The following GRAMD4 variants were observed in gnomAD, a reference collection of about 807,000 sequenced individuals.
The protein encoded by GRAMD4 is GRAM domain-containing protein 4.
A neutral mutation model predicts 83.9 loss-of-function variants in GRAMD4; 25 were observed. The ratio of observed to expected loss-of-function variants is 0.30; its 90% confidence interval spans 0.22 to 0.42. The LOEUF (loss-of-function observed/expected upper bound fraction) is 0.42, where lower values mean the gene tolerates loss of function less well. Among genes scored for constraint, GRAMD4 ranks in the 10% least tolerant of loss-of-function variants. GRAMD4 has a pLI of 1.00. For missense variants in GRAMD4, 593 were observed against 788.7 expected (o/e 0.75, Z 2.97); for synonymous variants, 336 against 320.9 (o/e 1.05, Z -0.50).
At position 46,679,465 on chromosome 22, in the gene GRAMD4, G is replaced by C. The variant is rs951402340; in HGVS notation, c.*2214G>C. 4 of 985,422 alleles carry C rather than the reference G, an allele frequency of 4.1e-6. No homozygotes were observed. In the African/African-American group the frequency reaches 7.0e-5, roughly 17 times the overall value. 61.0% of individuals were successfully genotyped at this position (985,422 alleles called of 1,614,324 possible). A position where few individuals can be genotyped will look rare whatever the true frequency, so the allele number is the denominator to read the frequency against. ...GTCCTCGGGAGCGGAGCGCGGATCG[G>C]CACGGGCTCTGGGCTCCCCGTGGAG... On this transcript the variant is annotated 3_prime_UTR_variant, in exon 19 of 19. Transcript: ENST00000406902.
chr22:46,674,556 C>T (rs960228856), intron 15 of GRAMD4, 101 bp from the exon 16 acceptor site: 120 of 851,632 alleles, frequency 1.4e-4, no homozygotes, highest in Non-Finnish European at 2.0e-4. Context: ...GCGCGGTGGG[C>T]GGATGTCAGG....
At chr22:46,669,079 G>A (rs546550793) in intron 13 of GRAMD4, among the ~76,000 whole-genome samples, 171 bp downstream of exon 13, 9 of 152,146 alleles carry the variant, frequency 5.9e-5, no homozygotes, top group Admixed American at 5.2e-4. Context: ...ATCCGAGATC[G>A]AGGGACACGG....
At chr22:46,680,153 A>G (rs563183489), downstream of GRAMD4, among the ~76,000 whole-genome samples, 68 of 152,306 alleles carry the variant, frequency 4.5e-4, 1 homozygote, top group African/African-American at 1.6e-3. Flanking sequence ...GTCAGGGGGC[A>G]TGCAGGCTTT....
At chr22:46,635,172 C>T (rs368971541) in intron 2 of GRAMD4, among the ~76,000 whole-genome samples, 123 of 108,956 alleles carry the variant, frequency 1.1e-3, no homozygotes, top group East Asian at 4.1e-3. Flanking sequence ...CACTCCTGTC[C>T]TGGGGAACCG....
intron 1 of GRAMD4, among the ~76,000 whole-genome samples, chr22:46,577,806 C>T (rs926617146): frequency 6.6e-6 from 1 of 152,230 alleles, no homozygotes; most frequent in Non-Finnish European, 1.5e-5. Flanking sequence ...TCTTCTCTCC[C>T]TTTGTTCGGG....
chr22:46,607,227 G>A (rs1208025807), intron 1 of GRAMD4, among the ~76,000 whole-genome samples: 2 of 151,948 alleles, frequency 1.3e-5, no homozygotes, highest in Non-Finnish European at 2.9e-5. Flanking sequence ...TACAGCATTA[G>A]GAGAAATACC....
At chr22:46,670,128 G>A (rs1369413555) in intron 13 of GRAMD4, among the ~76,000 whole-genome samples, 2 of 152,222 alleles carry the variant, frequency 1.3e-5, no homozygotes, top group African/African-American at 2.4e-5. Flanking sequence ...CGGCCCCTCA[G>A]CAGTCTAGGC....
rs962756995 is a variant in GRAMD4 at position 46,668,555 on chromosome 22, A to G, written c.931-134A>G. On this transcript the variant is annotated intron_variant, in intron 11 of 18. Transcript: ENST00000406902. ...ACCAGAGCTGGGCCTTCCCCGGCCT[A>G]GGAGCAGCCGGGCAGGACCACAGGG... The G allele has an allele frequency of 9.5e-6, 8 of 844,238 alleles. No individual in the cohort carries two copies. In the African/African-American group the frequency reaches 9.9e-5, roughly 10 times the overall value. 52.3% of individuals were successfully genotyped at this position (844,238 alleles called of 1,614,324 possible). A position where few individuals can be genotyped will look rare whatever the true frequency, so the allele number is the denominator to read the frequency against.
In GRAMD4 at chr22:46,646,473, C is replaced by T. The variant is rs116518341; in HGVS notation, c.283+8513C>T. Among the ~76,000 whole-genome samples the T allele has an allele frequency of 2.9e-3, 441 of 152,240 alleles. 2 individuals carry two copies. Among genetic ancestry groups the T allele is most frequent in the African/African-American group, 0.01 (418 of 41,522 alleles). ...CAGTTTTAATGGAGGGGTCCTGGAG[C>T]GGAAGGGAAGTTTCTAGGTGGCTGT... On this transcript the variant is annotated intron_variant, in intron 3 of 18. Transcript: ENST00000406902.
Position 46,649,994 on chromosome 22 carries a change from A to G in GRAMD4, c.284-8193A>G, listed in dbSNP as rs147186094. Among the ~76,000 whole-genome samples, 16 of 152,046 alleles carry G rather than the reference A, an allele frequency of 1.1e-4. No homozygotes were observed. The East Asian group carries it at 3.1e-3, about 30-fold the overall frequency. On this transcript the variant is annotated intron_variant, in intron 3 of 18. Transcript: ENST00000406902. ...CCTGTGGTGATGGCAGGAGGGCTGA[A>G]TTGGGCTGGGAGAGTTCAGGTGAGA...
chr22:46,666,063 G>C (rs532419237), intron 9 of GRAMD4, among the ~76,000 whole-genome samples: 2 of 152,254 alleles, frequency 1.3e-5, no homozygotes, highest in African/African-American at 4.8e-5. Flanking sequence ...CTGGCTGCCT[G>C]TTGGAGATGA....
chr22:46,629,075 C>T (rs2081724259), intron 2 of GRAMD4, among the ~76,000 whole-genome samples: 2 of 152,076 alleles, frequency 1.3e-5, no homozygotes, highest in East Asian at 1.9e-4. Context: ...CCCCCTTCCT[C>T]GAGGCTGTGA....
intron 1 of GRAMD4, among the ~76,000 whole-genome samples, chr22:46,579,314 C>A (rs766389687): frequency 6.6e-6 from 1 of 152,330 alleles, no homozygotes; most frequent in East Asian, 1.9e-4. Context: ...TCTTTGCTCT[C>A]CGCTCTCCCA....
In GRAMD4 at chr22:46,622,869, G is replaced by A. The variant is rs535465763; in HGVS notation, c.-50+2304G>A. On this transcript the variant is annotated intron_variant, in intron 1 of 18. Coordinates refer to ENST00000406902, the MANE Select transcript of GRAMD4 (RefSeq NM_015124.5). The surrounding 1 kb of genome is among the most constrained non-coding windows in gnomAD (Gnocchi z 4.0). The stretch of plus-strand genomic sequence containing the variant: ...GGATCTTGCAGTGAGCCGAGATCAC[G>A]CCACTGCACTCCAGCCTGGGCGACA... 5.9e-4 allele frequency among the ~76,000 whole-genome samples: 87 copies of A among 146,252 alleles called. 1 individual carries two copies. The East Asian group carries it at 0.013, about 22-fold the overall frequency.
chr22:46,621,460 G>A lies in GRAMD4; in HGVS notation c.-50+895G>A, dbSNP rs368967749. Among the ~76,000 whole-genome samples, 1 of 152,108 alleles carries A rather than the reference G, an allele frequency of 6.6e-6. No homozygotes were observed. Among genetic ancestry groups the A allele is most frequent in the Non-Finnish European group, 1.5e-5 (1 of 68,002 alleles). On this transcript the variant is annotated intron_variant, in intron 1 of 18. Coordinates refer to ENST00000406902, the MANE Select transcript of GRAMD4 (RefSeq NM_015124.5). The surrounding 1 kb of genome is among the most constrained non-coding windows in gnomAD (Gnocchi z 5.8). ...TGGCCGTGGAGGGCACCCCTACCCC[G>A]GTGCAGGCGCAGGCTGGAGGCGTAG... is the stretch of plus-strand genomic sequence containing the variant.
In GRAMD4 at chr22:46,584,422, G is replaced by A. The variant is rs536570981; in HGVS notation, c.-50+7132G>A. 5.3e-5 allele frequency among the ~76,000 whole-genome samples: 8 copies of A among 152,174 alleles called. No individual in the cohort carries two copies. The South Asian group carries it at 8.3e-4, about 16-fold the overall frequency. On this transcript the variant is annotated intron_variant, in intron 1 of 1. Coordinates refer to the GRAMD4 transcript ENST00000431155. ...CTCCTGTACCTGTATTGAGCAAAGT[G>A]TGAGTTCGCGCCGCTGATGAACTCT...
chr22:46,607,523 A>G (rs1446239137), intron 1 of GRAMD4, among the ~76,000 whole-genome samples: 1 of 152,092 alleles, frequency 6.6e-6, no homozygotes. Context: ...AAGTGTGGCT[A>G]TGGCCACCAT....
intron 3 of GRAMD4, among the ~76,000 whole-genome samples, chr22:46,655,799 AC>A (rs1303282307): frequency 6.6e-6 from 1 of 151,940 alleles, no homozygotes; most frequent in Non-Finnish European, 1.5e-5. Context: ...CTCCCTTCTG[AC>A]CCCGCCTTTG....
In GRAMD4 at chr22:46,672,664, C is replaced by T. The variant is rs951726230; in HGVS notation, c.1085-179C>T. ...GAGACTGTGCAGCACGAATGGGCCC[C>T]AGGGGAGCGAGGCTGGGGGTATCCA... On this transcript the variant is annotated intron_variant, in intron 13 of 18. Coordinates refer to ENST00000406902, the MANE Select transcript of GRAMD4 (RefSeq NM_015124.5). The surrounding 1 kb of genome is among the most constrained non-coding windows in gnomAD (Gnocchi z 4.7). Among the ~76,000 whole-genome samples the T allele has an allele frequency of 1.3e-4, 20 of 151,898 alleles. No individual in the cohort carries two copies. Among genetic ancestry groups the T allele is most frequent in the Admixed American group, 2.0e-4 (3 of 15,266 alleles).
Sources: allele counts gnomAD v4.1 joint callset (sites outside exome capture counted in the v4.1 genomes callset), GRCh38; gene constraint gnomAD v4.1.1; non-coding constraint Gnocchi (gnomAD v3.1); transcripts MANE v1.5; gene names NCBI Gene and HGNC (gene_info 2026-07-23, HGNC 2026-07-21).